The following WAPL variants were observed in gnomAD, a reference collection of about 807,000 sequenced individuals.
WAPL encodes wings apart-like protein homolog.
WAPL carries 5 observed loss-of-function variants against 121.0 expected under a neutral mutation model. That is an observed-to-expected ratio of 0.04 (90% confidence interval 0.02 to 0.09). WAPL has a LOEUF of 0.09. Among genes scored for constraint, WAPL ranks in the 10% least tolerant of loss-of-function variants. The pLI is 1.00. For synonymous variants in WAPL, 480 were observed against 481.5 expected, an observed-to-expected ratio of 1.00 and a Z score of 0.04; for missense variants, 999 against 1,410.8, an observed-to-expected ratio of 0.71 and a Z score of 4.68.
chr10:86,497,543 C>T (rs1238245895), intron 3 of WAPL, among the ~76,000 whole-genome samples: 3 of 152,126 alleles, frequency 2.0e-5, no homozygotes, highest in East Asian at 3.8e-4. Flanking sequence ...AACCTGGTTG[C>T]TGTGTATGTG....
At chr10:86,509,169 TC>T (rs1842409206) in intron 2 of WAPL, among the ~76,000 whole-genome samples, 1 of 152,226 alleles carries the variant, frequency 6.6e-6, no homozygotes, top group Admixed American at 6.5e-5. Context: ...TTGTCTCTAA[TC>T]AAGGCTTCTT....
chr10:86,508,165 TTCTCCC>T (rs1348920776), intron 2 of WAPL, among the ~76,000 whole-genome samples: 1 of 152,182 alleles, frequency 6.6e-6, no homozygotes. Flanking sequence ...AGACAGCTCA[TTCTCCC>T]ACTTTAAGTA....
At chr10:86,474,147 T>G (rs941106516) in intron 4 of WAPL, among the ~76,000 whole-genome samples, 174 bp from the exon 5 acceptor site, 6 of 152,218 alleles carry the variant, frequency 3.9e-5, no homozygotes, top group African/African-American at 1.2e-4. Context: ...ATATAATCAC[T>G]GTAGTACTAG....
intron 2 of WAPL, among the ~76,000 whole-genome samples, chr10:86,515,485 CA>C (rs1444703238): frequency 6.6e-6 from 1 of 151,830 alleles, no homozygotes; most frequent in Admixed American, 6.6e-5. Context: ...CATTTTAGTT[CA>C]AAAAAAGTTT....
At chr10:86,451,341 A>C (rs1001514921) in intron 15 of WAPL, among the ~76,000 whole-genome samples, 7 of 152,148 alleles carry the variant, frequency 4.6e-5, no homozygotes, top group African/African-American at 1.7e-4. Flanking sequence ...TAAAGTAAGA[A>C]TGCATTCTAA....
At chr10:86,440,563 T>G (rs1295122096) in intron 17 of WAPL, among the ~76,000 whole-genome samples, 3 of 152,142 alleles carry the variant, frequency 2.0e-5, no homozygotes, top group Non-Finnish European at 2.9e-5. Flanking sequence ...CCTCCCAAAG[T>G]GCTGGGATTA....
intron 2 of WAPL, among the ~76,000 whole-genome samples, chr10:86,516,176 G>GT (rs1354511396): frequency 6.6e-6 from 1 of 152,076 alleles, no homozygotes; most frequent in Non-Finnish European, 1.5e-5. Flanking sequence ...CCTTTACGCT[G>GT]TTTTTTAATG....
intron 1 of WAPL, 151 bp downstream of exon 1, chr10:86,521,214 A>AAT (rs1393696103): frequency 5.1e-6 from 1 of 197,006 alleles, no homozygotes; most frequent in Non-Finnish European, 1.0e-5. Flanking sequence ...AAAAGGGGAA[A>AAT]AAAAGAGTTC....
At chr10:86,492,392 C>T (rs4933398) in intron 4 of WAPL, among the ~76,000 whole-genome samples, 146,473 of 152,310 alleles carry the variant, frequency 0.96, 70,573 homozygotes, top group East Asian at 1. Context: ...TAATGGGGAA[C>T]AGGGCATGCA....
Position 86,436,682 on chromosome 10 carries a change from T to C in WAPL, c.*861A>G, listed in dbSNP as rs1849331032. 6.6e-6 allele frequency: 1 copy of C among 152,662 alleles called. No homozygotes were observed. The highest frequency in any genetic ancestry group is 1.5e-5 in the Non-Finnish European group (1 of 68,024). 9.5% of individuals were successfully genotyped at this position (152,662 alleles called of 1,614,324 possible). On this transcript the variant is annotated 3_prime_UTR_variant, in exon 19 of 19. Transcript: ENST00000298767. ...TGTACTGAACATTAGAAAATATATC[T>C]AGAGAGTCTTTCCTCAAAATCTAAT...
intron 3 of WAPL, among the ~76,000 whole-genome samples, chr10:86,497,552 T>C (rs1309065251): frequency 6.6e-6 from 1 of 152,166 alleles, no homozygotes; most frequent in Non-Finnish European, 1.5e-5. Context: ...GCTGTGTATG[T>C]GTTCTAGTCT....
In WAPL at chr10:86,510,763, T is replaced by C. The variant is rs559038075; in HGVS notation, c.499+6808A>G. ...ATTTATATACACATATGAAAATAAG[T>C]AGTAGAAAATATCTATAAAAATCAA... is the stretch of plus-strand genomic sequence containing the variant. On this transcript the variant is annotated intron_variant, in intron 2 of 18. Coordinates refer to ENST00000298767, the MANE Select transcript of WAPL (RefSeq NM_015045.5). Among the ~76,000 whole-genome samples, 12 of 152,342 alleles carry C rather than the reference T, an allele frequency of 7.9e-5. No homozygotes were observed. The East Asian group carries it at 1.5e-3, about 20-fold the overall frequency.
chr10:86,445,345 T>G (rs566821131), intron 16 of WAPL, among the ~76,000 whole-genome samples: 1 of 152,322 alleles, frequency 6.6e-6, no homozygotes, highest in African/African-American at 2.4e-5. Context: ...GTTGGCTGAC[T>G]CTGTGGATGT....
chr10:86,468,453 C>T (rs1422726815), intron 8 of WAPL, among the ~76,000 whole-genome samples: 1 of 152,060 alleles, frequency 6.6e-6, no homozygotes, highest in Admixed American at 6.6e-5. Flanking sequence ...CCACCTTGGC[C>T]TCTCAAAATG....
chr10:86,446,490 C>A, intron 15 of WAPL, 41 bp from the exon 16 acceptor site: 1 of 1,578,740 alleles, frequency 6.3e-7, no homozygotes, highest in Non-Finnish European at 8.6e-7. Flanking sequence ...AAAGAGATTG[C>A]CAATCAATAT....
intron 16 of WAPL, among the ~76,000 whole-genome samples, chr10:86,445,950 T>C (rs1849606337): frequency 1.3e-5 from 2 of 152,138 alleles, no homozygotes; most frequent in Admixed American, 1.3e-4. Context: ...AAAATCCTAT[T>C]ATGTCTCCTA....
chr10:86,487,195 A>G (rs1456040302), intron 4 of WAPL, among the ~76,000 whole-genome samples: 1 of 151,936 alleles, frequency 6.6e-6, no homozygotes, highest in Non-Finnish European at 1.5e-5. Context: ...AAAAGGTAGA[A>G]GTCAAACCAC....
At chr10:86,464,558 T>C (rs757921529) in intron 9 of WAPL, among the ~76,000 whole-genome samples, 7 of 152,056 alleles carry the variant, frequency 4.6e-5, no homozygotes, top group Non-Finnish European at 1.0e-4. Flanking sequence ...ATTATACATG[T>C]TTTGGACAGG....
chr10:86,496,592 G>A (rs901985169), intron 4 of WAPL, among the ~76,000 whole-genome samples: 6 of 152,154 alleles, frequency 3.9e-5, no homozygotes, highest in African/African-American at 1.2e-4. Context: ...GCATGGAGGT[G>A]TGGTGGTGTG....
Sources: gnomAD v4.1 joint callset for allele counts (sites outside exome capture counted in the v4.1 genomes callset) on GRCh38, gnomAD v4.1.1 for gene constraint, MANE v1.5 for transcripts, NCBI Gene and HGNC (gene_info 2026-07-23, HGNC 2026-07-21) for gene names.